The following FSTL4 variants were observed in gnomAD, a reference collection of about 807,000 sequenced individuals.
FSTL4 encodes the protein follistatin-related protein 4.
In FSTL4, 28 loss-of-function variants were observed where a neutral mutation model predicts 78.2. That is an observed-to-expected ratio of 0.36 (90% confidence interval 0.27 to 0.49). The LOEUF is 0.49. Among genes scored for constraint, FSTL4 ranks in the 20% least tolerant of loss-of-function variants. FSTL4 has a pLI of 0.98. For missense variants in FSTL4, 922 were observed against 1,084.9 expected, an observed-to-expected ratio of 0.85 and a Z score of 2.11; for synonymous variants, 422 against 440.5, an observed-to-expected ratio of 0.96 and a Z score of 0.53.
At chr5:133,624,530 C>T in the FSTL4 span, among the ~76,000 whole-genome samples, 1 of 151,596 alleles carries the variant, frequency 6.6e-6, no homozygotes, top group African/African-American at 2.4e-5. Flanking sequence ...TGCGCAACAT[C>T]GTGAATATGC....
chr5:133,660,224 G>T, the FSTL4 span, among the ~76,000 whole-genome samples: 1 of 152,188 alleles, frequency 6.6e-6, no homozygotes, highest in Non-Finnish European at 1.5e-5. Flanking sequence ...AGACAAAGCA[G>T]TGAAGAAGGA....
At chr5:133,827,547 T>C in the FSTL4 span, among the ~76,000 whole-genome samples, 1 of 152,074 alleles carries the variant, frequency 6.6e-6, no homozygotes, top group Non-Finnish European at 1.5e-5. Context: ...CTCTCTTATA[T>C]ATCAGCACCA....
intron 4 of FSTL4, among the ~76,000 whole-genome samples, chr5:133,390,140 T>C (rs1390239935): frequency 6.6e-6 from 1 of 152,236 alleles, no homozygotes; most frequent in Non-Finnish European, 1.5e-5. Context: ...GCTAAGTCCC[T>C]GGATGAGCCC....
the FSTL4 span, among the ~76,000 whole-genome samples, chr5:133,677,443 A>T: frequency 6.6e-6 from 1 of 152,238 alleles, no homozygotes; most frequent in South Asian, 2.1e-4. Context: ...TCTCTACTGC[A>T]CTTTGCCTCC....
the FSTL4 span, among the ~76,000 whole-genome samples, chr5:133,679,627 G>A: frequency 6.6e-6 from 1 of 152,056 alleles, no homozygotes; most frequent in Middle Eastern, 3.2e-3. Flanking sequence ...CCTCACCTGG[G>A]AATTCCTGAA....
chr5:133,295,326 C>T (rs1393315183), intron 6 of FSTL4, among the ~76,000 whole-genome samples: 1 of 152,138 alleles, frequency 6.6e-6, no homozygotes. Flanking sequence ...CCAACCTGGG[C>T]CCTGGATTCC....
At chr5:133,273,010 T>C (rs1752800135) in intron 6 of FSTL4, among the ~76,000 whole-genome samples, 1 of 152,354 alleles carries the variant, frequency 6.6e-6, no homozygotes, top group Admixed American at 6.5e-5. Flanking sequence ...GCAGGACGGA[T>C]TGGGCCATCA....
intron 2 of FSTL4, among the ~76,000 whole-genome samples, chr5:133,601,908 T>G (rs1448515996): frequency 6.6e-6 from 1 of 151,780 alleles, no homozygotes; most frequent in Non-Finnish European, 1.5e-5. Context: ...GGTCTTGAAC[T>G]CCTGGGCTCA....
chr5:133,817,306 ACTTGTTATAACTAATGGGAGTT>A, the FSTL4 span, among the ~76,000 whole-genome samples: 1 of 152,210 alleles, frequency 6.6e-6, no homozygotes, highest in Admixed American at 6.5e-5. Context: ...AAGGCCATGC[ACTTGTTATAACTAATGGGAGTT>A]CCACTGTATC....
At chr5:133,202,078 T>C (rs772825543) in intron 14 of FSTL4, 36 bp from the exon 15 acceptor site, 91 of 1,420,190 alleles carry the variant, frequency 6.4e-5, no homozygotes, top group Middle Eastern at 1.8e-4. Flanking sequence ...TGAGGGCCCA[T>C]GCAGGTGGGG....
At chr5:133,705,101 C>T in the FSTL4 span, among the ~76,000 whole-genome samples, 5 of 152,122 alleles carry the variant, frequency 3.3e-5, no homozygotes, top group South Asian at 4.1e-4. Flanking sequence ...CGCTCTGTTG[C>T]CCAGGCTGGA....
intron 6 of FSTL4, among the ~76,000 whole-genome samples, chr5:133,276,145 C>A (rs1752877964): frequency 1.3e-5 from 2 of 152,222 alleles, no homozygotes; most frequent in Admixed American, 1.3e-4. Flanking sequence ...CAATGTTTCC[C>A]CTCTAAGTGG....
the FSTL4 span, among the ~76,000 whole-genome samples, chr5:133,785,311 T>A: frequency 6.6e-6 from 1 of 152,190 alleles, no homozygotes. Flanking sequence ...ATGCCCTAAT[T>A]CAAAAAGGCA....
intron 4 of FSTL4, among the ~76,000 whole-genome samples, chr5:133,331,493 A>C (rs759957003): frequency 6.6e-6 from 1 of 152,128 alleles, no homozygotes. Flanking sequence ...CACCTGCGGA[A>C]GGGGCTCCTG....
At chr5:133,498,454 C>T (rs1758417623) in intron 3 of FSTL4, among the ~76,000 whole-genome samples, 1 of 152,314 alleles carries the variant, frequency 6.6e-6, no homozygotes, top group African/African-American at 2.4e-5. Context: ...CATGATGTCT[C>T]ACACCTGTAA....
chr5:133,640,554 G>T, the FSTL4 span, among the ~76,000 whole-genome samples: 1 of 152,160 alleles, frequency 6.6e-6, no homozygotes, highest in Non-Finnish European at 1.5e-5. Flanking sequence ...AAAGGAGCAG[G>T]ATGTTAACAT....
intron 3 of FSTL4, among the ~76,000 whole-genome samples, chr5:133,541,571 T>C (rs460129): frequency 0.42 from 64,622 of 152,088 alleles, 14,290 homozygotes; most frequent in African/African-American, 0.54. Flanking sequence ...GTAAGAAGAA[T>C]ATGTGAAATG....
intron 3 of FSTL4, among the ~76,000 whole-genome samples, chr5:133,420,573 C>G (rs1387105528): frequency 6.6e-6 from 1 of 152,200 alleles, no homozygotes; most frequent in Non-Finnish European, 1.5e-5. Flanking sequence ...ATGAAGGGGG[C>G]TCTCAGGCAG....
the FSTL4 span, among the ~76,000 whole-genome samples, chr5:133,767,594 G>A: frequency 3.3e-5 from 5 of 152,172 alleles, no homozygotes. Context: ...AAAGCTACTT[G>A]ACCATAGTAC....
Sources: gnomAD v4.1 joint callset for allele counts (sites outside exome capture counted in the v4.1 genomes callset) on GRCh38, gnomAD v4.1.1 for gene constraint, MANE v1.5 for transcripts, NCBI Gene and HGNC (gene_info 2026-07-23, HGNC 2026-07-21) for gene names.